Variants in KIAA1549L observed in about 807,000 individuals in gnomAD.
The protein encoded by KIAA1549L is KIAA1549 like, also known as UPF0606 protein KIAA1549L.
A neutral mutation model predicts 160.7 loss-of-function variants in KIAA1549L; 88 were observed. The ratio of observed to expected loss-of-function variants is 0.55; its 90% CI spans 0.46 to 0.65. The LOEUF (loss-of-function observed/expected upper bound fraction) is 0.65. Among genes scored for constraint, KIAA1549L ranks in the 30% least tolerant of loss-of-function variants. KIAA1549L has a pLI of 0.00. For missense variants in KIAA1549L, 2,258 were observed against 2,437.5 expected, an observed-to-expected ratio of 0.93 and a Z score of 1.55; for synonymous variants, 950 against 976.7, an observed-to-expected ratio of 0.97 and a Z score of 0.51.
chr11:33,663,607 A>G (rs189552606), intron 20 of KIAA1549L, among the ~76,000 whole-genome samples: 103 of 152,312 alleles, frequency 6.8e-4, no homozygotes, highest in African/African-American at 2.4e-3. Flanking sequence ...TCTCAGCCAC[A>G]GCAAGTACAG....
At chr11:33,500,908 A>G (rs1852932773) in intron 1 of KIAA1549L, among the ~76,000 whole-genome samples, 1 of 152,138 alleles carries the variant, frequency 6.6e-6, no homozygotes, top group African/African-American at 2.4e-5. Flanking sequence ...CAGTAGATAG[A>G]GGTTTTGTTA....
At chr11:33,439,579 T>TC (rs1193256061) in intron 1 of KIAA1549L, among the ~76,000 whole-genome samples, 1 of 150,294 alleles carries the variant, frequency 6.7e-6, no homozygotes, top group Non-Finnish European at 1.5e-5. Context: ...ATTTTTTTTT[T>TC]TTTTTTTTTT....
chr11:33,474,471 T>C (rs1852243850), intron 1 of KIAA1549L, among the ~76,000 whole-genome samples: 1 of 152,212 alleles, frequency 6.6e-6, no homozygotes, highest in Non-Finnish European at 1.5e-5. Context: ...TCCACAGAGC[T>C]CTTTCTCTCG....
intron 1 of KIAA1549L, among the ~76,000 whole-genome samples, chr11:33,438,793 T>A (rs1851431654): frequency 6.6e-6 from 1 of 151,984 alleles, no homozygotes; most frequent in East Asian, 1.9e-4. Context: ...GTTCTTCCTC[T>A]ATTGACTTTT....
intron 1 of KIAA1549L, among the ~76,000 whole-genome samples, chr11:33,431,383 A>G (rs1194287640): frequency 6.6e-6 from 1 of 151,984 alleles, no homozygotes; most frequent in African/African-American, 2.4e-5. Flanking sequence ...CTGTTTTGAC[A>G]GGGCGCTGAT....
chr11:33,601,619 C>T (rs1850361862), intron 13 of KIAA1549L, among the ~76,000 whole-genome samples: 1 of 152,180 alleles, frequency 6.6e-6, no homozygotes. Flanking sequence ...ATGGAATATT[C>T]AAATGCTGTT....
chr11:33,569,103 G>T (rs1367164692), intron 9 of KIAA1549L, among the ~76,000 whole-genome samples: 1 of 152,120 alleles, frequency 6.6e-6, no homozygotes, highest in East Asian at 1.9e-4. Context: ...GCACCTCTCA[G>T]ATAAACTAGA....
At chr11:33,533,505 A>G (rs1853824500) in intron 1 of KIAA1549L, among the ~76,000 whole-genome samples, 1 of 152,228 alleles carries the variant, frequency 6.6e-6, no homozygotes, top group Non-Finnish European at 1.5e-5. Flanking sequence ...ATGGGATTCT[A>G]TGCAAATTTG....
intron 1 of KIAA1549L, among the ~76,000 whole-genome samples, chr11:33,397,654 G>A (rs1425102973): frequency 1.3e-5 from 2 of 151,726 alleles, no homozygotes; most frequent in African/African-American, 2.4e-5. Context: ...GGAGGTTGCG[G>A]TGAGCCAAGA....
intron 19 of KIAA1549L, 127 bp from the exon 20 acceptor site, chr11:33,660,736 T>C: frequency 2.3e-6 from 2 of 877,158 alleles, no homozygotes; most frequent in Non-Finnish European, 1.8e-6. Context: ...TCAGACCTGA[T>C]TTAATGAGAC....
chr11:33,502,999 GCA>G (rs1202170574), intron 1 of KIAA1549L, among the ~76,000 whole-genome samples: 4 of 152,204 alleles, frequency 2.6e-5, no homozygotes, highest in Middle Eastern at 3.4e-3. Flanking sequence ...ATAGAAAAAT[GCA>G]CACACTGTAA....
intron 1 of KIAA1549L, among the ~76,000 whole-genome samples, chr11:33,382,089 C>T (rs35713248): frequency 0.015 from 2,337 of 152,124 alleles, 30 homozygotes; most frequent in Middle Eastern, 0.092. Context: ...ATTTTGGAGC[C>T]ATCAGCATGG....
chr11:33,424,597 T>A (rs181226152), intron 1 of KIAA1549L, among the ~76,000 whole-genome samples: 1 of 152,356 alleles, frequency 6.6e-6, no homozygotes, highest in Admixed American at 6.5e-5. Context: ...CTTACAAAAG[T>A]GTCTTGACCT....
Position 33,598,869 on chromosome 11 carries a change from C to T in KIAA1549L, c.4801C>T (p.Pro1601Ser). ...TGTCATCAGCAACGAATCAGGGAAG[C>T]CCAGCTCAGGGAGACGCTCACCCCA... ...GSVISNESGKPSSGRRSPQNV... is the reference protein window; with the variant it reads ...GSVISNESGKSSSGRRSPQNV... Residue 1601 changes from proline (P) to serine (S), a missense_variant, in exon 13 of 21, where the codon CCC becomes TCC. This residue lies in a region of KIAA1549L where 1,359 missense variants were observed against 1,546.6 expected (regional missense o/e 0.88). Transcript: ENST00000658780. 1 of 1,613,900 alleles carries T rather than the reference C, an allele frequency of 6.2e-7. No homozygotes were observed.
intron 11 of KIAA1549L, among the ~76,000 whole-genome samples, chr11:33,589,428 T>A (rs921233445): frequency 3.9e-5 from 6 of 152,190 alleles, no homozygotes; most frequent in African/African-American, 1.4e-4. Flanking sequence ...ACCCAAAGGA[T>A]TATAAATGAT....
At position 33,667,851 on chromosome 11, in the gene KIAA1549L, T is replaced by A. The variant is rs772164361; in HGVS notation, c.6160-22T>A. Reference sequence around the variant, plus strand: ...CCTTCCTCATGCCAGGCCCTGTCCTTCTCTCCCCACGCCCTCTGCAGGTGC... The same window carrying A: ...CCTTCCTCATGCCAGGCCCTGTCCTACTCTCCCCACGCCCTCTGCAGGTGC... On this transcript the variant is annotated intron_variant, in intron 20 of 20. Coordinates refer to ENST00000658780, the MANE Select transcript of KIAA1549L (RefSeq NM_012194.3). The A allele has an allele frequency of 1.0e-5, 16 of 1,593,680 alleles. No homozygotes were observed. The East Asian group carries it at 3.2e-4, about 32-fold the overall frequency.
At chr11:33,561,876 G>A (rs937266487) in intron 8 of KIAA1549L, 141 bp downstream of exon 8, 5 of 643,886 alleles carry the variant, frequency 7.8e-6, no homozygotes, top group African/African-American at 1.8e-5. Flanking sequence ...TACAGGACCA[G>A]AAGTGAATGG....
chr11:33,408,486 T>C (rs1413275353), intron 1 of KIAA1549L, among the ~76,000 whole-genome samples: 1 of 109,638 alleles, frequency 9.1e-6, no homozygotes, highest in Non-Finnish European at 1.8e-5. Context: ...ACTCTGTATA[T>C]GTGTATATAT....
chr11:33,650,563 T>C (rs1285639708), intron 17 of KIAA1549L, among the ~76,000 whole-genome samples: 1 of 152,158 alleles, frequency 6.6e-6, no homozygotes, highest in Non-Finnish European at 1.5e-5. Flanking sequence ...CTGGTGTCCC[T>C]GAGAAGCCCT....
Sources: gnomAD v4.1 joint callset for allele counts (sites outside exome capture counted in the v4.1 genomes callset) on GRCh38, gnomAD v4.1.1 for gene constraint, gnomAD v4.1.1 regional missense constraint, MANE v1.5 for transcripts, NCBI Gene and HGNC (gene_info 2026-07-23, HGNC 2026-07-21) for gene names.